FAR2: variants seen among roughly 807,000 people sequenced by gnomAD.
The protein encoded by FAR2 is fatty acyl-CoA reductase 2, also known as epididymis secretory protein Li 81.
FAR2 carries 19 observed loss-of-function variants against 56.0 expected under a neutral mutation model. The observed-to-expected ratio is 0.34, with a 90% CI of 0.24 to 0.50. The LOEUF (loss-of-function observed/expected upper bound fraction) is 0.50, where lower values mean the gene tolerates loss of function less well. FAR2 is among the 20% of genes least tolerant of loss of function. FAR2 has a pLI of 0.98. For missense variants in FAR2, 508 were observed against 642.2 expected (o/e 0.79, Z 2.26); for synonymous variants, 219 against 218.8 (o/e 1.00, Z -0.01).
intron 1 of FAR2, among the ~76,000 whole-genome samples, chr12:29,249,828 A>G (rs1371703807): frequency 1.3e-5 from 2 of 152,170 alleles, no homozygotes; most frequent in Non-Finnish European, 2.9e-5. Flanking sequence ...GGTACAAGAC[A>G]TGATCTGGAA....
chr12:29,172,330 C>G (rs71453726), intron 1 of FAR2, among the ~76,000 whole-genome samples: 5,885 of 152,314 alleles, frequency 0.039, 334 homozygotes, highest in African/African-American at 0.13. Context: ...GTGATCTTTT[C>G]TGTCTTCCCC....
At chr12:29,200,918 A>G (rs1947400886) in intron 1 of FAR2, among the ~76,000 whole-genome samples, 1 of 152,146 alleles carries the variant, frequency 6.6e-6, no homozygotes, top group Non-Finnish European at 1.5e-5. Flanking sequence ...AGGACTCAGC[A>G]GGGAGTCTAT....
At chr12:29,247,679 G>C (rs1010268071) in intron 1 of FAR2, among the ~76,000 whole-genome samples, 3 of 152,106 alleles carry the variant, frequency 2.0e-5, no homozygotes, top group Non-Finnish European at 4.4e-5. Flanking sequence ...ATAACACATT[G>C]AGATACAGTT....
At chr12:29,203,860 C>T (rs369584215) in intron 1 of FAR2, among the ~76,000 whole-genome samples, 27 of 151,646 alleles carry the variant, frequency 1.8e-4, no homozygotes, top group Admixed American at 1.4e-3. Context: ...ATTAGCCGGG[C>T]GTGGTGGCGG....
intron 1 of FAR2, among the ~76,000 whole-genome samples, chr12:29,209,751 C>T (rs913427578): frequency 2.7e-5 from 4 of 150,700 alleles, no homozygotes; most frequent in Admixed American, 6.6e-5. Flanking sequence ...TAAAAGAATG[C>T]GTAAAAGAAA....
At chr12:29,210,490 G>A (rs1056279960) in intron 1 of FAR2, among the ~76,000 whole-genome samples, 2 of 152,156 alleles carry the variant, frequency 1.3e-5, no homozygotes, top group Non-Finnish European at 2.9e-5. Flanking sequence ...GTTGCTAGTG[G>A]TTTGGCCTTA....
chr12:29,209,545 C>T (rs1184317137), intron 1 of FAR2, among the ~76,000 whole-genome samples: 1 of 152,008 alleles, frequency 6.6e-6, no homozygotes, highest in Admixed American at 6.6e-5. Flanking sequence ...TACTGCTGGC[C>T]CTTGAAATTC....
intron 1 of FAR2, among the ~76,000 whole-genome samples, chr12:29,187,439 A>G (rs1334910299): frequency 1.3e-5 from 2 of 152,076 alleles, no homozygotes; most frequent in South Asian, 4.1e-4. Flanking sequence ...TTTTATTTGG[A>G]TTTCAGATAC....
At position 29,180,074 on chromosome 12, in the gene FAR2, A is replaced by G. The variant is rs571826838; in HGVS notation, c.-39+30667A>G. ...AATAGTTCACAAAATCAGTCAAGGA[A>G]AGCTAAAATCAACCATCCCCAGGAG... is the stretch of plus-strand genomic sequence containing the variant. On this transcript the variant is annotated intron_variant, in intron 1 of 11. Coordinates refer to ENST00000536681, the MANE Select transcript of FAR2 (RefSeq NM_001271783.2). Among the ~76,000 whole-genome samples, 126 of 152,296 alleles carry G rather than the reference A, an allele frequency of 8.3e-4. 1 individual carries two copies. Among genetic ancestry groups the G allele is most frequent in the African/African-American group, 2.9e-3 (119 of 41,566 alleles).
chr12:29,169,358 A>G (rs2136585211), intron 1 of FAR2, among the ~76,000 whole-genome samples: 1 of 152,290 alleles, frequency 6.6e-6, no homozygotes, highest in South Asian at 2.1e-4. Flanking sequence ...AGTTGAGCTC[A>G]TTTGGGGTTC....
intron 10 of FAR2, among the ~76,000 whole-genome samples, chr12:29,322,550 T>C (rs1052462286): frequency 2.0e-5 from 3 of 152,212 alleles, no homozygotes; most frequent in Admixed American, 2.0e-4. Flanking sequence ...GCACCACTTA[T>C]TTCTTTAACT....
intron 10 of FAR2, among the ~76,000 whole-genome samples, chr12:29,327,746 A>C (rs1291708904): frequency 3.3e-5 from 5 of 152,228 alleles, no homozygotes; most frequent in African/African-American, 1.2e-4. Flanking sequence ...CTTATACAAA[A>C]ATCAATTCAA....
intron 1 of FAR2, among the ~76,000 whole-genome samples, chr12:29,242,813 T>C (rs1948059810): frequency 6.6e-6 from 1 of 152,236 alleles, no homozygotes; most frequent in Admixed American, 6.5e-5. Context: ...ATAGGATAAC[T>C]TTGGAATGAG....
At chr12:29,254,498 C>A (rs1948282936) in intron 1 of FAR2, among the ~76,000 whole-genome samples, 1 of 152,100 alleles carries the variant, frequency 6.6e-6, no homozygotes. Flanking sequence ...TTGTGCCCAG[C>A]CTGATATATA....
chr12:29,249,286 A>G (rs1463218369), intron 1 of FAR2, among the ~76,000 whole-genome samples: 2 of 152,220 alleles, frequency 1.3e-5, no homozygotes, highest in African/African-American at 4.8e-5. Context: ...CCATGGCTTC[A>G]GCCGGTCCCT....
chr12:29,320,655 C>T (rs1467296434), intron 9 of FAR2, among the ~76,000 whole-genome samples: 1 of 152,072 alleles, frequency 6.6e-6, no homozygotes, highest in Non-Finnish European at 1.5e-5. Flanking sequence ...AGCTAAAAGA[C>T]CTAGGTTGGG....
Position 29,174,423 on chromosome 12 carries a change from C to CTTT in FAR2, c.-39+25043_-39+25045dup, listed in dbSNP as rs55827253. 3.4e-3 allele frequency among the ~76,000 whole-genome samples: 188 copies of CTTT among 55,434 alleles called. 20 individuals are homozygous for CTTT. Among genetic ancestry groups the CTTT allele is most frequent in the African/African-American group, 0.013 (164 of 12,208 alleles). 36.4% of individuals were successfully genotyped at this position (55,434 alleles called of 152,430 possible). ...CCAGAGACAGGGAGTGGTTTTTATT[C>CTTT]TTTTTTTTTTTTTTTTTTTTTTTTT... On this transcript the variant is annotated intron_variant, in intron 1 of 11. Coordinates refer to ENST00000536681, the MANE Select transcript of FAR2 (RefSeq NM_001271783.2).
chr12:29,297,223 T>C (rs2136758999), intron 4 of FAR2, 23 bp downstream of exon 4: 3 of 1,596,524 alleles, frequency 1.9e-6, no homozygotes, highest in African/African-American at 1.3e-5. Context: ...AATAAAAGGA[T>C]CAAGGGGCGG....
chr12:29,167,798 A>G (rs1015867610), intron 1 of FAR2, among the ~76,000 whole-genome samples: 2 of 152,212 alleles, frequency 1.3e-5, no homozygotes, highest in Non-Finnish European at 2.9e-5. Flanking sequence ...TGCCTTATTC[A>G]GTAAGGAAGT....
Sources: allele counts gnomAD v4.1 joint callset (sites outside exome capture counted in the v4.1 genomes callset), GRCh38; gene constraint gnomAD v4.1.1; transcripts MANE v1.5; gene names NCBI Gene and HGNC (gene_info 2026-07-23, HGNC 2026-07-21).